The following EMCN variants were observed in gnomAD, a reference collection of about 807,000 sequenced individuals.
The protein encoded by EMCN is endomucin.
A neutral mutation model predicts 38.4 loss-of-function variants in EMCN; 37 were observed. The ratio of observed to expected loss-of-function variants is 0.96; its 90% CI spans 0.74 to 1.27. The LOEUF is 1.27. Among genes scored for constraint, EMCN ranks in the 50% most tolerant of loss-of-function variants. The pLI, the probability that EMCN is intolerant of heterozygous loss-of-function variation, is 0.00. For synonymous variants in EMCN, 95 were observed against 100.8 expected, an observed-to-expected ratio of 0.94 and a Z score of 0.35; for missense variants, 318 against 302.8, an observed-to-expected ratio of 1.05 and a Z score of -0.37.
intron 3 of EMCN, among the ~76,000 whole-genome samples, chr4:100,469,121 G>T (rs903554372): frequency 5.3e-5 from 8 of 151,958 alleles, no homozygotes; most frequent in Admixed American, 3.3e-4. Context: ...GCACCAAGAG[G>T]TTACTATAAA....
chr4:100,425,543 T>C (rs973523505), intron 5 of EMCN, among the ~76,000 whole-genome samples: 13 of 152,258 alleles, frequency 8.5e-5, no homozygotes, highest in Middle Eastern at 6.8e-3. Flanking sequence ...TTAACCTCTA[T>C]GTGCCTGAGT....
chr4:100,399,154 T>G (rs1023560623), intron 11 of EMCN, among the ~76,000 whole-genome samples: 2 of 152,126 alleles, frequency 1.3e-5, no homozygotes, highest in Non-Finnish European at 2.9e-5. Flanking sequence ...AGCCTTTGGT[T>G]TAGTATTTTG....
chr4:100,492,393 CA>C (rs1295927272), intron 1 of EMCN, among the ~76,000 whole-genome samples: 1 of 151,852 alleles, frequency 6.6e-6, no homozygotes, highest in Non-Finnish European at 1.5e-5. Context: ...AAGCCTGTAG[CA>C]ATTGTGGGAT....
rs62305702 is a variant in EMCN, at chr4:100,418,363, G to A, written c.665-1222C>T. Among the ~76,000 whole-genome samples the A allele has an allele frequency of 2.9e-3, 438 of 152,244 alleles. 2 individuals are homozygous for A. The highest frequency in any genetic ancestry group is 4.3e-3 in the Non-Finnish European group (291 of 68,008). On this transcript the variant is annotated intron_variant, in intron 8 of 11. Transcript: ENST00000296420. ...ATAACAATCACATCATGGCAGTGGTGTATCCATCCCCTCAAGTATCCTTCG... is the reference window on the plus strand; with the variant it reads ...ATAACAATCACATCATGGCAGTGGTATATCCATCCCCTCAAGTATCCTTCG...
intron 1 of EMCN, among the ~76,000 whole-genome samples, chr4:100,508,450 G>A (rs1171019818): frequency 6.6e-6 from 1 of 152,116 alleles, no homozygotes; most frequent in Non-Finnish European, 1.5e-5. Flanking sequence ...AAAGGATTCT[G>A]TATTTAACAA....
intron 3 of EMCN, among the ~76,000 whole-genome samples, chr4:100,466,996 T>C (rs1322687488): frequency 6.6e-6 from 1 of 151,612 alleles, no homozygotes; most frequent in African/African-American, 2.4e-5. Context: ...AAAGAGTATA[T>C]ATAGCTAAGA....
At chr4:100,475,800 C>T (rs1484560374) in intron 2 of EMCN, among the ~76,000 whole-genome samples, 3 of 151,004 alleles carry the variant, frequency 2.0e-5, no homozygotes, top group African/African-American at 7.3e-5. Context: ...GCCTCAGCCT[C>T]CCGAGTAGAT....
intron 7 of EMCN, among the ~76,000 whole-genome samples, chr4:100,422,408 A>C (rs1478555406): frequency 6.6e-6 from 1 of 152,008 alleles, no homozygotes; most frequent in Non-Finnish European, 1.5e-5. Flanking sequence ...AACAGTTTTG[A>C]ATATTGTCTT....
chr4:100,400,467 C>T (rs1578385965), intron 11 of EMCN, among the ~76,000 whole-genome samples: 1 of 151,912 alleles, frequency 6.6e-6, no homozygotes, highest in Non-Finnish European at 1.5e-5. Flanking sequence ...TTACATAACA[C>T]TATGTTATCA....
intron 1 of EMCN, among the ~76,000 whole-genome samples, chr4:100,482,516 G>T (rs1479682588): frequency 6.6e-6 from 1 of 152,146 alleles, no homozygotes; most frequent in South Asian, 2.1e-4. Flanking sequence ...CATGCAGGGA[G>T]AGGAAAGGGC....
intron 1 of EMCN, chr4:100,487,071 G>A (rs1011260011): frequency 2.1e-6 from 2 of 956,064 alleles, no homozygotes; most frequent in Non-Finnish European, 2.5e-6. Flanking sequence ...ATTTATAAAT[G>A]TAGGAGTGGG....
At chr4:100,483,264 C>A (rs1312321920) in intron 1 of EMCN, 1 of 152,106 alleles carries the variant, frequency 6.6e-6, no homozygotes, top group Non-Finnish European at 1.5e-5. Flanking sequence ...TTTGCCAACA[C>A]TATGCACTGT....
At chr4:100,415,866 T>C (rs1056342090) in intron 10 of EMCN, 32 bp downstream of exon 10, 1 of 1,474,978 alleles carries the variant, frequency 6.8e-7, no homozygotes, top group Non-Finnish European at 9.3e-7. Flanking sequence ...AAATAACTAA[T>C]TTTCATCTAA....
chr4:100,505,079 GC>G (rs1372180704), intron 1 of EMCN, among the ~76,000 whole-genome samples: 1 of 152,184 alleles, frequency 6.6e-6, no homozygotes, highest in Non-Finnish European at 1.5e-5. Context: ...GCAGGGAAGG[GC>G]CCCCTGTCCA....
chr4:100,434,477 A>G (rs754030034), intron 5 of EMCN, among the ~76,000 whole-genome samples: 8 of 152,088 alleles, frequency 5.3e-5, no homozygotes, highest in Non-Finnish European at 1.0e-4. Context: ...TTCTACTGAA[A>G]CTATTTTAAA....
At chr4:100,484,308 A>T (rs1451907061) in intron 1 of EMCN, among the ~76,000 whole-genome samples, 1 of 152,132 alleles carries the variant, frequency 6.6e-6, no homozygotes, top group Non-Finnish European at 1.5e-5. Flanking sequence ...ATAGTTGGAA[A>T]CTAAATATAT....
intron 5 of EMCN, among the ~76,000 whole-genome samples, chr4:100,443,438 A>T (rs1466414993): frequency 6.6e-6 from 1 of 152,220 alleles, no homozygotes; most frequent in Admixed American, 6.5e-5. Context: ...AGTTGTGATC[A>T]ATGTCAGCAA....
chr4:100,414,550 T>G (rs1578396093), intron 10 of EMCN, among the ~76,000 whole-genome samples: 2 of 151,872 alleles, frequency 1.3e-5, no homozygotes, highest in South Asian at 2.1e-4. Context: ...AGGAAATATG[T>G]GTATTGAAGA....
chr4:100,490,697 G>A lies in EMCN; in HGVS notation c.65-10658C>T, dbSNP rs1578229050. On this transcript the variant is annotated intron_variant, in intron 1 of 11. Coordinates refer to ENST00000296420, the MANE Select transcript of EMCN (RefSeq NM_016242.4). ...TACCATAAGGCCTAGGTGTGTAGTA[G>A]GTTGTGTAAGTGCGCTTTATGATGT... 2.6e-5 allele frequency among the ~76,000 whole-genome samples: 4 copies of A among 152,314 alleles called. No homozygotes were observed. In the East Asian group the frequency reaches 7.7e-4, roughly 29 times the overall value.
Sources: allele counts gnomAD v4.1 joint callset (sites outside exome capture counted in the v4.1 genomes callset), GRCh38; gene constraint gnomAD v4.1.1; transcripts MANE v1.5; gene names NCBI Gene and HGNC (gene_info 2026-07-23, HGNC 2026-07-21).